The following KAZN variants were observed in gnomAD, a reference collection of about 807,000 sequenced individuals.
KAZN encodes kazrin, periplakin interacting protein, also known as kazrin.
KAZN carries 40 observed loss-of-function variants against 87.4 expected under a neutral mutation model. The ratio of observed to expected loss-of-function variants is 0.46; its 90% CI spans 0.36 to 0.60. The LOEUF is 0.60. KAZN is among the 20% of genes least tolerant of loss of function. The pLI is 0.00. For missense variants in KAZN, 898 were observed against 1,073.9 expected (o/e 0.84, Z 2.29); for synonymous variants, 466 against 458.3 (o/e 1.02, Z -0.22).
At chr1:14,242,133 C>G (rs1389283715) in intron 2 of KAZN, among the ~76,000 whole-genome samples, 2 of 152,162 alleles carry the variant, frequency 1.3e-5, no homozygotes, top group African/African-American at 4.8e-5. Context: ...CAGGTTCTCT[C>G]TGAAGATATG....
At chr1:14,338,313 A>C (rs948512230) in intron 2 of KAZN, among the ~76,000 whole-genome samples, 10 of 37,088 alleles carry the variant, frequency 2.7e-4, no homozygotes, top group African/African-American at 9.0e-4. Context: ...ATCTCCACTA[A>C]AGAAAAAAAA....
At position 14,797,640 on chromosome 1, in the gene KAZN, T is replaced by G. The variant is rs185391450; in HGVS notation, c.227-163044T>G. Among the ~76,000 whole-genome samples, 350 of 152,308 alleles carry G rather than the reference T, an allele frequency of 2.3e-3. 1 individual carries two copies. The highest frequency in any genetic ancestry group is 3.9e-3 in the Non-Finnish European group (265 of 68,032). On this transcript the variant is annotated intron_variant, in intron 1 of 14. Transcript: ENST00000376030. ...GATCTCACTAAGCTTTTTTATTCTA[T>G]TCTGCAAATAGAGGTTCTATAGCTT...
chr1:14,022,475 G>A (rs1416436148), intron 1 of KAZN, among the ~76,000 whole-genome samples: 2 of 93,354 alleles, frequency 2.1e-5, no homozygotes, highest in South Asian at 4.7e-4. Context: ...TAGCTTTCAC[G>A]TATTTAAAGC....
At position 14,443,915 on chromosome 1, in the gene KAZN, A is replaced by AT. The variant is rs748355248; in HGVS notation, c.250-155060dup. On this transcript the variant is annotated intron_variant, in intron 2 of 16. Coordinates refer to the KAZN transcript ENST00000636203. ...GGCTTCGACTATCCTTCAAGTTTCA[A>AT]TTTTTTTTGTAAATCCTAAGCAGAG... Among the ~76,000 whole-genome samples, 142 of 151,930 alleles carry AT rather than the reference A, an allele frequency of 9.3e-4. 1 individual carries two copies. Among genetic ancestry groups the AT allele is most frequent in the Non-Finnish European group, 1.1e-3 (75 of 67,962 alleles).
At chr1:15,097,797 G>T (rs1258373025) in intron 10 of KAZN, among the ~76,000 whole-genome samples, 1 of 152,104 alleles carries the variant, frequency 6.6e-6, no homozygotes, top group South Asian at 2.1e-4. Flanking sequence ...CAGCCCGGGC[G>T]ACAAGAATGA....
intron 1 of KAZN, among the ~76,000 whole-genome samples, chr1:14,807,704 G>A (rs534659538): frequency 1.3e-5 from 2 of 152,202 alleles, no homozygotes; most frequent in South Asian, 4.2e-4. Flanking sequence ...AGGAGGTTGA[G>A]GCTGCAGTGA....
At chr1:14,075,262 C>T (rs970069380) in intron 1 of KAZN, among the ~76,000 whole-genome samples, 2 of 152,182 alleles carry the variant, frequency 1.3e-5, no homozygotes, top group African/African-American at 4.8e-5. Flanking sequence ...TTATTCACCA[C>T]TTGGTCTTGG....
intron 1 of KAZN, among the ~76,000 whole-genome samples, chr1:14,819,233 T>C (rs550603590): frequency 1.3e-5 from 2 of 152,184 alleles, no homozygotes. Flanking sequence ...AAGAGTCCCT[T>C]GTCAGGGGGC....
At chr1:14,028,146 G>T (rs926868822) in intron 1 of KAZN, among the ~76,000 whole-genome samples, 7 of 152,108 alleles carry the variant, frequency 4.6e-5, no homozygotes, top group African/African-American at 1.7e-4. Flanking sequence ...GCACTTAGTA[G>T]CCTCTTTCTT....
intron 1 of KAZN, among the ~76,000 whole-genome samples, chr1:13,951,717 G>T (rs12745317): frequency 1.3e-5 from 2 of 151,870 alleles, no homozygotes; most frequent in Admixed American, 6.6e-5. Context: ...AAACAGAATG[G>T]CCAGCACAGG....
At chr1:14,293,351 G>C (rs935910729) in intron 2 of KAZN, among the ~76,000 whole-genome samples, 1 of 152,126 alleles carries the variant, frequency 6.6e-6, no homozygotes, top group African/African-American at 2.4e-5. Context: ...TTTTCCCTCA[G>C]CACGAACAGC....
chr1:14,500,056 C>T (rs1158528186), intron 2 of KAZN, among the ~76,000 whole-genome samples: 1 of 152,180 alleles, frequency 6.6e-6, no homozygotes, highest in Non-Finnish European at 1.5e-5. Flanking sequence ...CATTATATGT[C>T]TTTATGTCAT....
intron 2 of KAZN, among the ~76,000 whole-genome samples, chr1:14,288,641 A>G (rs1485872606): frequency 6.6e-6 from 1 of 152,120 alleles, no homozygotes; most frequent in African/African-American, 2.4e-5. Flanking sequence ...TCCTGGATAC[A>G]TTGATTATTT....
At chr1:14,258,810 C>T (rs569081953) in intron 2 of KAZN, among the ~76,000 whole-genome samples, 9 of 152,306 alleles carry the variant, frequency 5.9e-5, no homozygotes, top group Non-Finnish European at 1.2e-4. Flanking sequence ...CAGGTGACTA[C>T]AACCTCGCAG....
At chr1:14,826,838 C>T (rs1448950628) in intron 1 of KAZN, among the ~76,000 whole-genome samples, 2 of 152,192 alleles carry the variant, frequency 1.3e-5, no homozygotes, top group Non-Finnish European at 2.9e-5. Flanking sequence ...TCTTCTCACC[C>T]ACTCAGATTT....
At position 14,361,245 on chromosome 1, in the gene KAZN, C is replaced by T. The variant is rs1337428112; in HGVS notation, c.249+180653C>T. On this transcript the variant is annotated intron_variant, in intron 2 of 16. Coordinates refer to the KAZN transcript ENST00000636203. ...TTTGTTTACACTGTGAGGGGAAAAC[C>T]GCCTACTCAAGCCTCAGTAATGGCA... Among the ~76,000 whole-genome samples the T allele has an allele frequency of 1.4e-4, 21 of 152,202 alleles. No individual in the cohort carries two copies. In the East Asian group the frequency reaches 2.3e-3, roughly 17 times the overall value.
intron 1 of KAZN, among the ~76,000 whole-genome samples, chr1:14,076,448 A>T (rs61775666): frequency 8.5e-5 from 13 of 152,222 alleles, no homozygotes; most frequent in Non-Finnish European, 1.6e-4. Flanking sequence ...ATTCTCCATC[A>T]CATCTCAGAA....
chr1:14,687,164 G>C (rs1250703958), intron 1 of KAZN, among the ~76,000 whole-genome samples: 1 of 152,184 alleles, frequency 6.6e-6, no homozygotes, highest in African/African-American at 2.4e-5. Flanking sequence ...TGGCTGGTTG[G>C]CTGGTATGAT....
chr1:14,993,615 A>T (rs1667572210), intron 2 of KAZN, among the ~76,000 whole-genome samples: 2 of 151,924 alleles, frequency 1.3e-5, no homozygotes, highest in South Asian at 4.2e-4. Context: ...CCCCGCCGCC[A>T]CCCCCCTGCT....
Sources: allele counts gnomAD v4.1 joint callset (sites outside exome capture counted in the v4.1 genomes callset), GRCh38; gene constraint gnomAD v4.1.1; transcripts MANE v1.5; gene names NCBI Gene and HGNC (gene_info 2026-07-23, HGNC 2026-07-21).